GPR39: variants seen among roughly 807,000 people sequenced by gnomAD.
GPR39 encodes G protein-coupled receptor 39, also known as zinc sensing receptor.
A neutral mutation model predicts 18.4 loss-of-function variants in GPR39; 23 were observed. That is an observed-to-expected ratio of 1.25 (90% CI 0.90 to 1.77). The LOEUF (loss-of-function observed/expected upper bound fraction) is 1.77. Among genes scored for constraint, GPR39 ranks in the 40% most tolerant of loss-of-function variants. The probability of loss-of-function intolerance (pLI) is 0.00; values close to 1 mark genes in which losing one functional copy is unlikely to be tolerated. For synonymous variants in GPR39, 280 were observed against 257.9 expected (o/e 1.09, Z -0.82); for missense variants, 647 against 602.4 (o/e 1.07, Z -0.78).
intron 1 of GPR39, among the ~76,000 whole-genome samples, chr2:132,507,144 T>C (rs1037367023): frequency 2.6e-5 from 4 of 152,140 alleles, no homozygotes; most frequent in Admixed American, 6.5e-5. Flanking sequence ...GGGAATTCAA[T>C]TTCAACATGA....
intron 1 of GPR39, among the ~76,000 whole-genome samples, chr2:132,493,080 T>TATACCATAC (rs1192381253): frequency 2.1e-5 from 3 of 143,028 alleles, no homozygotes; most frequent in African/African-American, 7.7e-5. Flanking sequence ...ATACCACATA[T>TATACCATAC]ATACCATATA....
intron 1 of GPR39, among the ~76,000 whole-genome samples, chr2:132,499,994 G>A (rs1678981527): frequency 2.0e-5 from 3 of 152,080 alleles, no homozygotes; most frequent in Admixed American, 2.0e-4. Flanking sequence ...TGAGTCTTTA[G>A]GGTTTTCTAT....
intron 1 of GPR39, among the ~76,000 whole-genome samples, chr2:132,555,055 G>A (rs753564479): frequency 1.6e-4 from 24 of 151,814 alleles, no homozygotes; most frequent in African/African-American, 9.7e-5. Flanking sequence ...AGGTTCAAGC[G>A]ATTCTCCTGC....
intron 1 of GPR39, among the ~76,000 whole-genome samples, chr2:132,543,153 A>G (rs905030000): frequency 3.3e-5 from 5 of 152,216 alleles, no homozygotes; most frequent in Non-Finnish European, 7.3e-5. Flanking sequence ...AGTAGAATTT[A>G]TTAAGCAAAA....
At chr2:132,584,389 T>C (rs1680685200) in intron 1 of GPR39, among the ~76,000 whole-genome samples, 2 of 152,124 alleles carry the variant, frequency 1.3e-5, no homozygotes, top group Non-Finnish European at 2.9e-5. Flanking sequence ...TGCTTGAAGA[T>C]TACCTGAGTG....
intron 1 of GPR39, among the ~76,000 whole-genome samples, chr2:132,465,463 TGTCTGTGAGTGCATTG>T (rs1333693745): frequency 1.3e-5 from 2 of 152,210 alleles, no homozygotes; most frequent in Non-Finnish European, 2.9e-5. Context: ...GCAATGAAAC[TGTCTGTGAGTGCATTG>T]GCACTGTTGT....
rs188053555 is a variant in GPR39, at chr2:132,530,087, A to G, written c.856+112189A>G. ...AGGAGGAAGTTCGAACCAATGGCAA[A>G]GAAGTTAAAAACCTTAAAAAAAAAA... On this transcript the variant is annotated intron_variant, in intron 1 of 1. Coordinates refer to ENST00000329321, the MANE Select transcript of GPR39 (RefSeq NM_001508.3). Among the ~76,000 whole-genome samples the G allele has an allele frequency of 4.5e-3, 681 of 152,246 alleles. 5 individuals are homozygous for G. Among genetic ancestry groups the G allele is most frequent in the African/African-American group, 0.015 (626 of 41,516 alleles).
intron 1 of GPR39, among the ~76,000 whole-genome samples, chr2:132,433,154 A>G (rs563723373): frequency 2.0e-4 from 31 of 152,352 alleles, no homozygotes; most frequent in African/African-American, 7.5e-4. Context: ...ATTATTTACT[A>G]TCATAAAATA....
intron 1 of GPR39, among the ~76,000 whole-genome samples, chr2:132,641,650 T>A (rs1050072124): frequency 6.6e-6 from 1 of 152,244 alleles, no homozygotes; most frequent in Non-Finnish European, 1.5e-5. Context: ...TGAAATTACA[T>A]GTGAAATAAT....
rs139601933 is a variant in GPR39, at chr2:132,462,266, C to T, written c.856+44368C>T. ...GAACAGAGTAGACCACCAGAGGCCA[C>T]GGACAGCAGGCCTTGTAGTATCAAG... On this transcript the variant is annotated intron_variant, in intron 1 of 1. Transcript: ENST00000329321. 6.6e-4 allele frequency among the ~76,000 whole-genome samples: 101 copies of T among 152,332 alleles called. 2 individuals carry two copies. Among genetic ancestry groups the T allele is most frequent in the Non-Finnish European group, 1.1e-3 (76 of 68,038 alleles).
At chr2:132,532,025 C>T (rs897650258) in intron 1 of GPR39, among the ~76,000 whole-genome samples, 1 of 152,076 alleles carries the variant, frequency 6.6e-6, no homozygotes, top group Admixed American at 6.6e-5. Context: ...GAGATAGAGA[C>T]ACAAAAAACC....
chr2:132,522,876 T>C (rs775867291), intron 1 of GPR39, among the ~76,000 whole-genome samples: 24 of 152,364 alleles, frequency 1.6e-4, no homozygotes, highest in Non-Finnish European at 3.1e-4. Flanking sequence ...TAGCAGGAAC[T>C]GCATTGATGT....
At chr2:132,514,392 C>T (rs760168513) in intron 1 of GPR39, among the ~76,000 whole-genome samples, 17 of 152,314 alleles carry the variant, frequency 1.1e-4, no homozygotes, top group South Asian at 2.1e-4. Flanking sequence ...ACCCCTTGGC[C>T]GGAGTTATCC....
chr2:132,447,696 A>G (rs1680562470), intron 1 of GPR39, among the ~76,000 whole-genome samples: 1 of 152,224 alleles, frequency 6.6e-6, no homozygotes, highest in African/African-American at 2.4e-5. Flanking sequence ...AATTGGAGCA[A>G]TTAGAAAAGA....
intron 1 of GPR39, among the ~76,000 whole-genome samples, chr2:132,545,927 A>G (rs1280206018): frequency 6.6e-6 from 1 of 152,228 alleles, no homozygotes; most frequent in Non-Finnish European, 1.5e-5. Flanking sequence ...GAGAGAGGAC[A>G]TGATTGAGTT....
At chr2:132,530,968 A>G (rs1408634631) in intron 1 of GPR39, among the ~76,000 whole-genome samples, 3 of 152,220 alleles carry the variant, frequency 2.0e-5, no homozygotes, top group South Asian at 2.1e-4. Context: ...TAACCAGCTA[A>G]CATCATAATG....
intron 1 of GPR39, among the ~76,000 whole-genome samples, chr2:132,638,575 A>G (rs1292382875): frequency 6.6e-6 from 1 of 152,196 alleles, no homozygotes; most frequent in African/African-American, 2.4e-5. Flanking sequence ...GCCGTTAAAG[A>G]CTAAACCAAG....
chr2:132,591,821 A>T (rs1680851432), intron 1 of GPR39, among the ~76,000 whole-genome samples: 2 of 152,158 alleles, frequency 1.3e-5, no homozygotes, highest in South Asian at 4.1e-4. Flanking sequence ...ACTGATTTAA[A>T]AAAAACCATG....
rs532103609 is a variant in GPR39, at chr2:132,595,275, T to C, written c.857-49826T>C. Reference sequence around the variant, plus strand: ...CCTCGGCCTCCCAAACCACTGGGATTATAGGTGTGAGCCACCGTGCCTGGC... The same window carrying C: ...CCTCGGCCTCCCAAACCACTGGGATCATAGGTGTGAGCCACCGTGCCTGGC... On this transcript the variant is annotated intron_variant, in intron 1 of 1. Coordinates refer to ENST00000329321, the MANE Select transcript of GPR39 (RefSeq NM_001508.3). Among the ~76,000 whole-genome samples, 9 of 152,270 alleles carry C rather than the reference T, an allele frequency of 5.9e-5. No individual in the cohort carries two copies. In the South Asian group the frequency reaches 1.9e-3, roughly 32 times the overall value.
Sources: gnomAD v4.1 joint callset for allele counts (sites outside exome capture counted in the v4.1 genomes callset) on GRCh38, gnomAD v4.1.1 for gene constraint, MANE v1.5 for transcripts, NCBI Gene and HGNC (gene_info 2026-07-23, HGNC 2026-07-21) for gene names.